Variants in KCNIP1 observed in about 807,000 individuals in gnomAD.
The protein encoded by KCNIP1 is A-type potassium channel modulatory protein KCNIP1.
Under a neutral mutation model 33.0 loss-of-function variants are expected in KCNIP1, and 18 were observed. The ratio of observed to expected loss-of-function variants is 0.55; its 90% CI spans 0.38 to 0.81. KCNIP1 has a LOEUF of 0.81. KCNIP1 is among the 30% of genes least tolerant of loss of function. KCNIP1 has a pLI of 0.00. For synonymous variants in KCNIP1, 93 were observed against 98.3 expected, an observed-to-expected ratio of 0.95 and a Z score of 0.32; for missense variants, 238 against 271.6, an observed-to-expected ratio of 0.88 and a Z score of 0.87.
intron 1 of KCNIP1, among the ~76,000 whole-genome samples, chr5:170,615,654 C>T (rs1388344868): frequency 6.6e-6 from 1 of 152,138 alleles, no homozygotes; most frequent in Non-Finnish European, 1.5e-5. Flanking sequence ...CCTCCACTTG[C>T]CATGGTAACA....
chr5:170,444,999 AT>A (rs1230791693), intron 1 of KCNIP1, among the ~76,000 whole-genome samples: 1 of 152,224 alleles, frequency 6.6e-6, no homozygotes, highest in Admixed American at 6.5e-5. Context: ...GATGGAAGTC[AT>A]GAAAGAGCAC....
chr5:170,676,200 AGG>A (rs1762137189), intron 1 of KCNIP1, among the ~76,000 whole-genome samples: 13 of 146,284 alleles, frequency 8.9e-5, no homozygotes, highest in Admixed American at 6.9e-4. Flanking sequence ...AGGAAAGGAA[AGG>A]AAAGGAAAGG....
At chr5:170,623,617 G>T (rs1759698078) in intron 1 of KCNIP1, among the ~76,000 whole-genome samples, 2 of 152,076 alleles carry the variant, frequency 1.3e-5, no homozygotes, top group Admixed American at 1.3e-4. Flanking sequence ...AGACGAAACC[G>T]ATGCGAAAAG....
At chr5:170,422,399 G>T (rs1161029339) in intron 1 of KCNIP1, 1 of 152,208 alleles carries the variant, frequency 6.6e-6, no homozygotes. Context: ...GGGGAGACAA[G>T]AAGAAAAGAA....
chr5:170,642,784 C>A (rs1341409122), intron 1 of KCNIP1, among the ~76,000 whole-genome samples: 1 of 152,178 alleles, frequency 6.6e-6, no homozygotes, highest in Non-Finnish European at 1.5e-5. Context: ...TGATTAAAAC[C>A]AATATTCCAC....
chr5:170,429,835 T>C (rs750521500), intron 1 of KCNIP1, among the ~76,000 whole-genome samples: 20 of 152,348 alleles, frequency 1.3e-4, no homozygotes, highest in Non-Finnish European at 2.2e-4. Flanking sequence ...TACACCCCCT[T>C]TGTATTTGCC....
intron 1 of KCNIP1, among the ~76,000 whole-genome samples, chr5:170,643,886 A>G (rs961045375): frequency 6.6e-6 from 1 of 152,208 alleles, no homozygotes; most frequent in Non-Finnish European, 1.5e-5. Flanking sequence ...GCCCCTCTCA[A>G]GTGGTCCTGG....
At chr5:170,612,724 G>A (rs956376854) in intron 1 of KCNIP1, among the ~76,000 whole-genome samples, 17 of 152,192 alleles carry the variant, frequency 1.1e-4, no homozygotes, top group African/African-American at 4.1e-4. Context: ...ATGTGAGGCT[G>A]GGCTTTTAGC....
chr5:170,429,587 C>A (rs537754571), intron 1 of KCNIP1, among the ~76,000 whole-genome samples: 1 of 152,186 alleles, frequency 6.6e-6, no homozygotes, highest in East Asian at 1.9e-4. Context: ...TTGTACCCAT[C>A]AACTAATTTC....
At chr5:170,388,697 C>T (rs1764587398) in intron 1 of KCNIP1, among the ~76,000 whole-genome samples, 1 of 152,146 alleles carries the variant, frequency 6.6e-6, no homozygotes, top group Admixed American at 6.5e-5. Context: ...CAGGGCGATT[C>T]TGAGGTCCTC....
intron 1 of KCNIP1, among the ~76,000 whole-genome samples, chr5:170,679,625 CAGTGTG>C (rs1012253491): frequency 1.1e-5 from 1 of 93,728 alleles, no homozygotes; most frequent in African/African-American, 5.0e-5. Context: ...ATGTATATGA[CAGTGTG>C]TGTGTGTGTG....
chr5:170,604,564 G>A (rs1287760009), intron 1 of KCNIP1, among the ~76,000 whole-genome samples: 1 of 152,180 alleles, frequency 6.6e-6, no homozygotes, highest in Non-Finnish European at 1.5e-5. Flanking sequence ...GCGAGGCTTT[G>A]TATGCATAAA....
chr5:170,673,386 T>A (rs1425188224), intron 1 of KCNIP1, among the ~76,000 whole-genome samples: 1 of 152,234 alleles, frequency 6.6e-6, no homozygotes, highest in East Asian at 1.9e-4. Context: ...ATGACGACCA[T>A]GACAGCTAAT....
At chr5:170,652,727 G>A (rs921990064) in intron 1 of KCNIP1, among the ~76,000 whole-genome samples, 2 of 152,176 alleles carry the variant, frequency 1.3e-5, no homozygotes, top group Admixed American at 1.3e-4. Flanking sequence ...CAGGGACAGA[G>A]AGGGACTAAC....
intron 1 of KCNIP1, among the ~76,000 whole-genome samples, chr5:170,653,700 C>T (rs987555882): frequency 6.6e-6 from 1 of 151,738 alleles, no homozygotes; most frequent in African/African-American, 2.4e-5. Context: ...TCTCTCTCAT[C>T]TCTGCTTGTT....
chr5:170,553,572 G>T (rs564712082), intron 1 of KCNIP1, among the ~76,000 whole-genome samples: 1 of 152,184 alleles, frequency 6.6e-6, no homozygotes, highest in East Asian at 1.9e-4. Context: ...TCTCCTCAGC[G>T]GGCTGGAGCA....
intron 5 of KCNIP1, among the ~76,000 whole-genome samples, chr5:170,728,783 G>A (rs1764093475): frequency 6.6e-6 from 1 of 151,928 alleles, no homozygotes; most frequent in Non-Finnish European, 1.5e-5. Context: ...TATTTGGGAA[G>A]GAAATTTGGC....
At chr5:170,472,075 G>A (rs531409291) in intron 1 of KCNIP1, among the ~76,000 whole-genome samples, 2 of 152,186 alleles carry the variant, frequency 1.3e-5, no homozygotes, top group African/African-American at 2.4e-5. Flanking sequence ...TTCTCCAGAC[G>A]CTGAGGATGG....
At chr5:170,389,082 A>C (rs909212444) in intron 1 of KCNIP1, among the ~76,000 whole-genome samples, 1 of 151,874 alleles carries the variant, frequency 6.6e-6, no homozygotes, top group African/African-American at 2.4e-5. Context: ...CCACTGTGCC[A>C]CCCTCCCCAC....
Sources: allele counts gnomAD v4.1 joint callset (sites outside exome capture counted in the v4.1 genomes callset), GRCh38; gene constraint gnomAD v4.1.1; transcripts MANE v1.5; gene names NCBI Gene and HGNC (gene_info 2026-07-23, HGNC 2026-07-21).